GRB10: variants seen among roughly 807,000 people sequenced by gnomAD.
GRB10 encodes the protein growth factor receptor-bound protein 10.
In GRB10, 20 loss-of-function variants were observed where a neutral mutation model predicts 80.9. The observed-to-expected ratio is 0.25, with a 90% CI of 0.17 to 0.36. GRB10 has a LOEUF of 0.36. GRB10 is among the 10% of genes least tolerant of loss of function. The probability of loss-of-function intolerance (pLI) is 1.00; values close to 1 mark genes in which losing one functional copy is unlikely to be tolerated. For missense variants in GRB10, 548 were observed against 747.7 expected, an observed-to-expected ratio of 0.73 and a Z score of 3.12; for synonymous variants, 291 against 291.5, an observed-to-expected ratio of 1.00 and a Z score of 0.02.
intron 7 of GRB10, among the ~76,000 whole-genome samples, chr7:50,656,534 T>C (rs908342517): frequency 6.6e-6 from 1 of 152,196 alleles, no homozygotes; most frequent in African/African-American, 2.4e-5. Flanking sequence ...GTCATAAAAT[T>C]ACTATACACC....
intron 7 of GRB10, among the ~76,000 whole-genome samples, chr7:50,663,313 C>A (rs1421382580): frequency 6.6e-6 from 1 of 152,190 alleles, no homozygotes; most frequent in African/African-American, 2.4e-5. Flanking sequence ...GGCCCTTGTT[C>A]CAGCCTCTGG....
At chr7:50,775,183 AC>A (rs2077487413) in intron 2 of GRB10, among the ~76,000 whole-genome samples, 23 of 147,568 alleles carry the variant, frequency 1.6e-4, no homozygotes, top group African/African-American at 5.5e-4. Context: ...ACAAAAAAAA[AC>A]AGTGGAACAG....
intron 7 of GRB10, among the ~76,000 whole-genome samples, chr7:50,646,531 A>C (rs1274087172): frequency 1.3e-5 from 2 of 152,224 alleles, no homozygotes; most frequent in Admixed American, 1.3e-4. Flanking sequence ...TACTTTTATA[A>C]ATAAAATAGG....
chr7:50,754,308 C>T (rs1333473610), intron 3 of GRB10, among the ~76,000 whole-genome samples: 1 of 152,240 alleles, frequency 6.6e-6, no homozygotes. Context: ...CTGACCCATT[C>T]TGAGATAGGG....
At chr7:50,791,204 A>G (rs184886011) in intron 1 of GRB10, among the ~76,000 whole-genome samples, 9 of 152,340 alleles carry the variant, frequency 5.9e-5, no homozygotes, top group African/African-American at 2.2e-4. Flanking sequence ...TACCACATCA[A>G]AACTCATGAC....
At chr7:50,667,314 C>T (rs1010996212) in intron 7 of GRB10, among the ~76,000 whole-genome samples, 6 of 152,188 alleles carry the variant, frequency 3.9e-5, no homozygotes, top group African/African-American at 1.4e-4. Flanking sequence ...CCTACGTTAA[C>T]TGAGTTCTTC....
At position 50,644,964 on chromosome 7, in the gene GRB10, T is replaced by C. The variant is rs141501414; in HGVS notation, c.505-17986A>G. 1.6e-3 allele frequency among the ~76,000 whole-genome samples: 242 copies of C among 152,262 alleles called. 6 individuals are homozygous for C. The East Asian group carries it at 0.041, about 26-fold the overall frequency. On this transcript the variant is annotated intron_variant, in intron 7 of 18. Coordinates refer to ENST00000401949, the MANE Select transcript of GRB10 (RefSeq NM_001350814.2). ...AGAGACACAGCAGGCACAGGATGGC[T>C]AAAACACTGCAAAAGGGCTATAATC...
chr7:50,607,336 T>A (rs1763872880), intron 13 of GRB10, among the ~76,000 whole-genome samples: 1 of 152,200 alleles, frequency 6.6e-6, no homozygotes, highest in Admixed American at 6.5e-5. Context: ...TAACTTTATA[T>A]AATAGATTAA....
intron 3 of GRB10, among the ~76,000 whole-genome samples, chr7:50,754,996 CATGTGCA>C (rs1183813539): frequency 1.3e-5 from 2 of 152,212 alleles, no homozygotes; most frequent in Non-Finnish European, 2.9e-5. Context: ...AGAAAACAGC[CATGTGCA>C]AGCCCAGGAG....
At chr7:50,670,319 G>A (rs570718301) in intron 6 of GRB10, among the ~76,000 whole-genome samples, 1 of 152,234 alleles carries the variant, frequency 6.6e-6, no homozygotes, top group East Asian at 1.9e-4. Flanking sequence ...CAGAGTTTCA[G>A]TTTCATAAGA....
At chr7:50,702,969 A>C (rs974021419) in intron 5 of GRB10, among the ~76,000 whole-genome samples, 102 of 152,362 alleles carry the variant, frequency 6.7e-4, no homozygotes, top group African/African-American at 2.1e-3. Context: ...AAATTTTCTT[A>C]AGCTTTGAAG....
chr7:50,758,240 G>T (rs150572668), intron 2 of GRB10, among the ~76,000 whole-genome samples: 9 of 152,066 alleles, frequency 5.9e-5, no homozygotes, highest in Non-Finnish European at 1.3e-4. Context: ...CCAACACCCC[G>T]AGAGTAGACC....
intron 4 of GRB10, among the ~76,000 whole-genome samples, chr7:50,704,872 C>T (rs1015572913): frequency 2.6e-5 from 4 of 152,240 alleles, no homozygotes; most frequent in African/African-American, 7.2e-5. Context: ...GTTACCCTCA[C>T]AACCCTCATC....
chr7:50,626,419 G>C (rs977832787), intron 8 of GRB10, among the ~76,000 whole-genome samples: 37 of 152,204 alleles, frequency 2.4e-4, no homozygotes, highest in African/African-American at 8.2e-4. Context: ...CTGAGGAGCT[G>C]ATCTCAGAAG....
intron 15 of GRB10, chr7:50,604,855 C>CGGCGA: frequency 3.5e-6 from 1 of 288,800 alleles, no homozygotes; most frequent in Non-Finnish European, 6.6e-6. Flanking sequence ...TGATAGTCTT[C>CGGCGA]CCACCTGGAG....
intron 7 of GRB10, among the ~76,000 whole-genome samples, chr7:50,642,527 G>A (rs1218295792): frequency 1.3e-5 from 2 of 152,046 alleles, no homozygotes; most frequent in South Asian, 4.2e-4. Context: ...TATAGGTCGA[G>A]TATTGCTAAT....
At chr7:50,695,459 C>G (rs933942122) in intron 5 of GRB10, among the ~76,000 whole-genome samples, 6 of 116,292 alleles carry the variant, frequency 5.2e-5, no homozygotes. Context: ...ATCCTCTTGG[C>G]TGCTTTCTTT....
intron 3 of GRB10, among the ~76,000 whole-genome samples, chr7:50,733,822 G>A (rs901671696): frequency 6.6e-6 from 1 of 152,296 alleles, no homozygotes. Flanking sequence ...TATTCTGTAG[G>A]TGTGGTTAAT....
Position 50,604,133 on chromosome 7 carries a change from A to G in GRB10, c.1457-48T>C, listed in dbSNP as rs2048101193. On this transcript the variant is annotated intron_variant, in intron 16 of 18. Coordinates refer to ENST00000401949, the MANE Select transcript of GRB10 (RefSeq NM_001350814.2). ...GGGTAGGATGGTGGTGCCTCTGCAG[A>G]ATGGCTTCCCTGACAGCACAACCAA... 4 of 1,503,876 alleles carry G rather than the reference A, an allele frequency of 2.7e-6. No individual in the cohort carries two copies. The East Asian group carries it at 9.0e-5, about 34-fold the overall frequency. The allele number at this position is 1,503,876 out of a possible 1,614,324, so 93.2% of individuals were successfully genotyped here. A position where few individuals can be genotyped will look rare whatever the true frequency, so the allele number is the denominator to read the frequency against.
Sources: allele counts gnomAD v4.1 joint callset (sites outside exome capture counted in the v4.1 genomes callset), GRCh38; gene constraint gnomAD v4.1.1; transcripts MANE v1.5; gene names NCBI Gene and HGNC (gene_info 2026-07-23, HGNC 2026-07-21).